The following TAF1B variants were observed in gnomAD, a reference collection of about 807,000 sequenced individuals.
The protein encoded by TAF1B is TATA box-binding protein-associated factor RNA polymerase I subunit B.
Under a neutral mutation model 83.9 loss-of-function variants are expected in TAF1B, and 61 were observed. The ratio of observed to expected loss-of-function variants is 0.73; its 90% CI spans 0.59 to 0.90. The LOEUF (loss-of-function observed/expected upper bound fraction) is 0.90. TAF1B is among the 40% of genes least tolerant of loss of function. The pLI is 0.00. For missense variants in TAF1B, 625 were observed against 677.0 expected, an observed-to-expected ratio of 0.92 and a Z score of 0.85; for synonymous variants, 221 against 224.6, an observed-to-expected ratio of 0.98 and a Z score of 0.14.
intron 5 of TAF1B, among the ~76,000 whole-genome samples, chr2:9,864,353 T>C (rs1222367454): frequency 3.9e-5 from 6 of 152,158 alleles, no homozygotes; most frequent in Non-Finnish European, 8.8e-5. Context: ...AATGAATAAA[T>C]TCCTCGACAA....
chr2:9,923,244 A>G (rs1321795211), intron 14 of TAF1B, among the ~76,000 whole-genome samples: 4 of 151,822 alleles, frequency 2.6e-5, no homozygotes, highest in Non-Finnish European at 5.9e-5. Flanking sequence ...TCTCAAAAAA[A>G]AAAAAAAAAA....
At chr2:9,910,082 T>G (rs1348558576) in intron 9 of TAF1B, among the ~76,000 whole-genome samples, 1 of 152,198 alleles carries the variant, frequency 6.6e-6, no homozygotes, top group Non-Finnish European at 1.5e-5. Flanking sequence ...AAATTTTTTG[T>G]TTAGTTTTCA....
intron 12 of TAF1B, among the ~76,000 whole-genome samples, chr2:9,916,834 G>GTTTTT (rs1572282272): frequency 2.2e-5 from 1 of 44,848 alleles, no homozygotes; most frequent in Non-Finnish European, 6.6e-5. Context: ...TTTCCTTTCT[G>GTTTTT]TTCTTTTTTT....
At chr2:9,872,119 A>C (rs1664184909) in intron 6 of TAF1B, among the ~76,000 whole-genome samples, 1 of 151,780 alleles carries the variant, frequency 6.6e-6, no homozygotes, top group South Asian at 2.1e-4. Context: ...CGAGGGCAGG[A>C]GATTGAGACC....
At chr2:9,863,046 A>G (rs1166707894) in intron 5 of TAF1B, among the ~76,000 whole-genome samples, 1 of 152,376 alleles carries the variant, frequency 6.6e-6, no homozygotes, top group African/African-American at 2.4e-5. Context: ...CTAACGAGCA[A>G]AATAACCAGC....
chr2:9,902,157 C>T (rs499858), intron 8 of TAF1B, among the ~76,000 whole-genome samples: 42,438 of 151,494 alleles, frequency 0.28, 6,917 homozygotes, highest in Middle Eastern at 0.4. Flanking sequence ...AGCATATACC[C>T]CTGTACCATT....
At chr2:9,930,371 G>A (rs1374345078) in intron 14 of TAF1B, among the ~76,000 whole-genome samples, 1 of 152,152 alleles carries the variant, frequency 6.6e-6, no homozygotes, top group African/African-American at 2.4e-5. Context: ...ATTCTGGTAT[G>A]TTGTGTCTTT....
intron 9 of TAF1B, among the ~76,000 whole-genome samples, chr2:9,906,120 T>A (rs2125169841): frequency 6.6e-6 from 1 of 152,312 alleles, no homozygotes; most frequent in African/African-American, 2.4e-5. Flanking sequence ...TTCTAAATCC[T>A]GAGTTTATAG....
intron 5 of TAF1B, among the ~76,000 whole-genome samples, chr2:9,863,055 G>T (rs1223091726): frequency 6.6e-6 from 1 of 152,166 alleles, no homozygotes; most frequent in African/African-American, 2.4e-5. Flanking sequence ...AAAATAACCA[G>T]CTATAACATC....
In TAF1B at chr2:9,906,586, G is replaced by GT. The variant is rs1665350466; in HGVS notation, c.955+1581dup. On this transcript the variant is annotated intron_variant, in intron 9 of 14. Coordinates refer to ENST00000263663, the MANE Select transcript of TAF1B (RefSeq NM_005680.3). ...TTGTGTACGTTCAGTGGAACTTTAGGTATGTAGCTTTTAAAATAATGTTTA... is the reference window on the plus strand; with the variant it reads ...TTGTGTACGTTCAGTGGAACTTTAGGTTATGTAGCTTTTAAAATAATGTTTA... 2.0e-5 allele frequency among the ~76,000 whole-genome samples: 3 copies of GT among 152,126 alleles called. No individual in the cohort carries two copies. The South Asian group carries it at 6.2e-4, about 31-fold the overall frequency.
chr2:9,843,792 G>T (rs1663106500), intron 1 of TAF1B: 1 of 495,692 alleles, frequency 2.0e-6, no homozygotes, highest in South Asian at 2.8e-5. Context: ...GGGAGGGAGG[G>T]TGTGGTGTTT....
intron 8 of TAF1B, among the ~76,000 whole-genome samples, chr2:9,888,790 GTTTT>G (rs56125595): frequency 0.21 from 17,470 of 81,344 alleles, 2,582 homozygotes; most frequent in Non-Finnish European, 0.27. Flanking sequence ...CTTCTGCTTG[GTTTT>G]TTTTTTTTTT....
At chr2:9,860,034 G>A (rs1019147971) in intron 5 of TAF1B, among the ~76,000 whole-genome samples, 3 of 152,222 alleles carry the variant, frequency 2.0e-5, no homozygotes, top group East Asian at 1.9e-4. Flanking sequence ...TTCCATGGCA[G>A]CAAGAGAGAG....
chr2:9,900,513 G>A (rs963843355), intron 8 of TAF1B, among the ~76,000 whole-genome samples: 2 of 152,114 alleles, frequency 1.3e-5, no homozygotes, highest in Non-Finnish European at 2.9e-5. Context: ...TCCAGCCTGG[G>A]CAATAGAGTG....
At chr2:9,857,624 G>T (rs1211974841) in intron 5 of TAF1B, among the ~76,000 whole-genome samples, 1 of 152,090 alleles carries the variant, frequency 6.6e-6, no homozygotes, top group Admixed American at 6.5e-5. Flanking sequence ...CTAAACAAAA[G>T]AAGTTTAATT....
intron 8 of TAF1B, among the ~76,000 whole-genome samples, chr2:9,897,232 G>A (rs927652651): frequency 6.6e-6 from 1 of 152,134 alleles, no homozygotes; most frequent in Non-Finnish European, 1.5e-5. Flanking sequence ...ATACTTGTCT[G>A]TATTAGATAC....
intron 7 of TAF1B, among the ~76,000 whole-genome samples, chr2:9,879,684 G>T (rs1664434496): frequency 6.6e-6 from 1 of 152,138 alleles, no homozygotes; most frequent in South Asian, 2.1e-4. Flanking sequence ...AGAATTCTAG[G>T]GCGGAGTAGG....
chr2:9,928,978 A>G (rs1282595219), intron 14 of TAF1B, among the ~76,000 whole-genome samples: 1 of 152,160 alleles, frequency 6.6e-6, no homozygotes, highest in African/African-American at 2.4e-5. Flanking sequence ...CCCATTCAGT[A>G]TGATATTGGC....
intron 5 of TAF1B, among the ~76,000 whole-genome samples, chr2:9,860,885 A>T (rs1266436164): frequency 1.3e-5 from 2 of 152,218 alleles, no homozygotes; most frequent in Non-Finnish European, 2.9e-5. Context: ...GACTTTTTCA[A>T]GGCATTTTGC....
Sources: gnomAD v4.1 joint callset for allele counts (sites outside exome capture counted in the v4.1 genomes callset) on GRCh38, gnomAD v4.1.1 for gene constraint, MANE v1.5 for transcripts, NCBI Gene and HGNC (gene_info 2026-07-23, HGNC 2026-07-21) for gene names.